ASTN2: variants seen among roughly 807,000 people sequenced by gnomAD.
ASTN2 encodes the protein astrotactin 2.
ASTN2 carries 54 observed loss-of-function variants against 139.8 expected under a neutral mutation model. That is an observed-to-expected ratio of 0.39 (90% confidence interval 0.31 to 0.48). The LOEUF (loss-of-function observed/expected upper bound fraction) is 0.48, where lower values mean the gene tolerates loss of function less well. Ranked by LOEUF, ASTN2 falls within the 20% of genes least tolerant of loss-of-function variation. The pLI is 0.95. For missense variants in ASTN2, 1,565 were observed against 1,725.1 expected, an observed-to-expected ratio of 0.91 and a Z score of 1.64; for synonymous variants, 756 against 719.5, an observed-to-expected ratio of 1.05 and a Z score of -0.81.
intron 2 of ASTN2, among the ~76,000 whole-genome samples, chr9:117,234,406 G>A (rs1035267046): frequency 2.0e-5 from 3 of 152,164 alleles, no homozygotes; most frequent in Non-Finnish European, 2.9e-5. Flanking sequence ...AACCGGCCAT[G>A]TGTCTCCTAC....
At chr9:117,113,964 C>T (rs1829313699) in intron 4 of ASTN2, among the ~76,000 whole-genome samples, 1 of 151,962 alleles carries the variant, frequency 6.6e-6, no homozygotes, top group Admixed American at 6.6e-5. Context: ...ATTGCATACT[C>T]TAAATGGATG....
At chr9:117,018,987 C>G (rs1268179603) in intron 6 of ASTN2, among the ~76,000 whole-genome samples, 2 of 152,090 alleles carry the variant, frequency 1.3e-5, no homozygotes, top group Non-Finnish European at 2.9e-5. Flanking sequence ...GACTCTGACT[C>G]CAGAGCTCTG....
At chr9:116,512,260 C>T (rs539910302) in intron 19 of ASTN2, among the ~76,000 whole-genome samples, 1 of 152,270 alleles carries the variant, frequency 6.6e-6, no homozygotes, top group East Asian at 1.9e-4. Context: ...TCGTTATGTA[C>T]CCAGTAGTCA....
At chr9:116,608,372 C>T (rs1396750664) in intron 19 of ASTN2, among the ~76,000 whole-genome samples, 1 of 152,170 alleles carries the variant, frequency 6.6e-6, no homozygotes, top group Non-Finnish European at 1.5e-5. Context: ...GTGCCTGTCT[C>T]TACCAGCCAT....
At chr9:116,742,554 AG>A (rs1219523600) in intron 13 of ASTN2, among the ~76,000 whole-genome samples, 1 of 152,088 alleles carries the variant, frequency 6.6e-6, no homozygotes, top group East Asian at 1.9e-4. Context: ...ACGGGTGAGC[AG>A]GGGTGATAGG....
chr9:116,551,116 C>T (rs898466494), intron 19 of ASTN2: 1 of 152,152 alleles, frequency 6.6e-6, no homozygotes, highest in African/African-American at 2.4e-5. Flanking sequence ...TATTAGTAGA[C>T]ATAAAAATCA....
At position 116,423,944 on chromosome 9, in the gene ASTN2, T is replaced by C. The variant is rs1847244477; in HGVS notation, c.*1907A>G. ...CAAATGAGGATAGGCATATTTTGAA[T>C]GGCTTATGTTTTATTGATATTCAGT... On this transcript the variant is annotated 3_prime_UTR_variant, in exon 23 of 23. Coordinates refer to ENST00000313400, the MANE Select transcript of ASTN2 (RefSeq NM_001365068.1). Among the ~76,000 whole-genome samples, 2 of 152,208 alleles carry C rather than the reference T, an allele frequency of 1.3e-5. No homozygotes were observed. Among genetic ancestry groups the C allele is most frequent in the South Asian group, 4.1e-4 (2 of 4,828 alleles).
At chr9:117,016,813 T>TTA (rs11378164) in intron 6 of ASTN2, among the ~76,000 whole-genome samples, 1,410 of 92,552 alleles carry the variant, frequency 0.015, 17 homozygotes, top group Middle Eastern at 0.023. Context: ...TATATATGTT[T>TTA]TATATATATA....
At chr9:117,271,597 G>A (rs1834066034) in intron 2 of ASTN2, among the ~76,000 whole-genome samples, 1 of 152,200 alleles carries the variant, frequency 6.6e-6, no homozygotes, top group African/African-American at 2.4e-5. Flanking sequence ...CTATGAGCCT[G>A]TAAAATCAAA....
At chr9:117,153,714 C>T (rs2132885094) in intron 3 of ASTN2, among the ~76,000 whole-genome samples, 1 of 152,238 alleles carries the variant, frequency 6.6e-6, no homozygotes, top group East Asian at 1.9e-4. Flanking sequence ...CTCACAGCCA[C>T]CTTTCCTTTA....
intron 10 of ASTN2, among the ~76,000 whole-genome samples, chr9:116,927,400 T>TTTTTATCATTTC (rs1275016158): frequency 6.6e-6 from 1 of 152,218 alleles, no homozygotes; most frequent in Non-Finnish European, 1.5e-5. Flanking sequence ...CTTGTTTTCA[T>TTTTTATCATTTC]ATATTTATCA....
At chr9:116,537,894 T>C (rs190906845) in intron 19 of ASTN2, among the ~76,000 whole-genome samples, 1 of 152,354 alleles carries the variant, frequency 6.6e-6, no homozygotes, top group East Asian at 1.9e-4. Context: ...CAAGGCACTC[T>C]AGTGTGTTCT....
chr9:116,871,667 G>A (rs1221019510), intron 10 of ASTN2, among the ~76,000 whole-genome samples: 1 of 152,172 alleles, frequency 6.6e-6, no homozygotes, highest in East Asian at 1.9e-4. Context: ...ATTGCCAAAT[G>A]ATATTCCATT....
At chr9:116,495,614 C>T (rs971546827) in intron 19 of ASTN2, among the ~76,000 whole-genome samples, 1 of 152,120 alleles carries the variant, frequency 6.6e-6, no homozygotes, top group East Asian at 1.9e-4. Context: ...AATCAGGAGT[C>T]CTCTCAAATA....
intron 10 of ASTN2, among the ~76,000 whole-genome samples, chr9:116,908,946 A>T (rs567353262): frequency 6.6e-6 from 1 of 152,338 alleles, no homozygotes; most frequent in Non-Finnish European, 1.5e-5. Context: ...CTGAAGCAAA[A>T]CTAAGCATGG....
At chr9:116,975,056 T>A in intron 10 of ASTN2, 152 bp downstream of exon 10, 1 of 703,944 alleles carries the variant, frequency 1.4e-6, no homozygotes, top group Non-Finnish European at 2.1e-6. Context: ...GGAGGTCACA[T>A]CTAAGAGTTT....
In ASTN2 at chr9:116,948,683, T is replaced by G. The variant is rs182829522; in HGVS notation, c.1889+26525A>C. On this transcript the variant is annotated intron_variant, in intron 10 of 22. Transcript: ENST00000313400. ...TTGAGCCCTTTCAGTAGATAGAGTT[T>G]GACTTATATGTGTGAGTGTGTGTGT... is the stretch of plus-strand genomic sequence containing the variant. Among the ~76,000 whole-genome samples the G allele has an allele frequency of 7.2e-4, 95 of 131,542 alleles. 1 individual carries two copies. Among genetic ancestry groups the G allele is most frequent in the Middle Eastern group, 3.6e-3 (1 of 276 alleles). The allele number at this position is 131,542 out of a possible 152,430, so 86.3% of individuals were successfully genotyped here.
At chr9:117,088,761 C>A (rs1173023490) in intron 5 of ASTN2, among the ~76,000 whole-genome samples, 2 of 152,160 alleles carry the variant, frequency 1.3e-5, no homozygotes, top group East Asian at 3.9e-4. Context: ...ATCAGAAAAC[C>A]TGGATTTCTA....
At chr9:116,806,509 C>T (rs935906887) in intron 12 of ASTN2, among the ~76,000 whole-genome samples, 4 of 152,154 alleles carry the variant, frequency 2.6e-5, no homozygotes, top group African/African-American at 7.2e-5. Context: ...GAGATCTCAG[C>T]CCCTGAAAAA....
Sources: allele counts gnomAD v4.1 joint callset (sites outside exome capture counted in the v4.1 genomes callset), GRCh38; gene constraint gnomAD v4.1.1; transcripts MANE v1.5; gene names NCBI Gene and HGNC (gene_info 2026-07-23, HGNC 2026-07-21).